Variants in CDH4 observed in about 807,000 individuals in gnomAD.
CDH4 encodes the protein cadherin-4.
In CDH4, 33 loss-of-function variants were observed where a neutral mutation model predicts 86.0. That is an observed-to-expected ratio of 0.38 (90% CI 0.29 to 0.51). CDH4 has a LOEUF of 0.51. Among genes scored for constraint, CDH4 ranks in the 20% least tolerant of loss-of-function variants. The pLI is 0.86. For synonymous variants in CDH4, 555 were observed against 549.4 expected (o/e 1.01, Z -0.14); for missense variants, 1,114 against 1,307.4 (o/e 0.85, Z 2.28).
Position 61,709,461 on chromosome 20 carries a change from G to T in CDH4, c.170-34102G>T, listed in dbSNP as rs113398969. Among the ~76,000 whole-genome samples the T allele has an allele frequency of 0.025, 3,809 of 151,904 alleles. 158 individuals carry two copies. The highest frequency in any genetic ancestry group is 0.085 in the African/African-American group (3,503 of 41,388). Reference sequence around the variant, plus strand: ...GGCTATTTTTTTCTATTTTTAGGAGGGACGGGGTTTCACCATGTTGGCCAG... The same window carrying T: ...GGCTATTTTTTTCTATTTTTAGGAGTGACGGGGTTTCACCATGTTGGCCAG... On this transcript the variant is annotated intron_variant, in intron 2 of 15. Transcript: ENST00000614565. The surrounding 1 kb of genome is among the most constrained non-coding windows in gnomAD (Gnocchi z 4.8).
chr20:61,499,849 C>T (rs1458578395), intron 2 of CDH4, among the ~76,000 whole-genome samples: 1 of 152,194 alleles, frequency 6.6e-6, no homozygotes, highest in Non-Finnish European at 1.5e-5. Context: ...ACTCCCCCAG[C>T]CTGTACCATG....
intron 2 of CDH4, among the ~76,000 whole-genome samples, chr20:61,496,618 C>A (rs1359927725): frequency 1.3e-5 from 2 of 152,200 alleles, no homozygotes; most frequent in African/African-American, 4.8e-5. Flanking sequence ...AAAAAGCCAT[C>A]CATTTTAGGC....
intron 8 of CDH4, among the ~76,000 whole-genome samples, chr20:61,907,127 AC>A: frequency 6.7e-6 from 1 of 149,754 alleles, no homozygotes; most frequent in Non-Finnish European, 1.5e-5. Flanking sequence ...CCCAGCTACC[AC>A]CTCCCCTGAG....
At chr20:61,294,530 G>A (rs1362570307) in intron 2 of CDH4, among the ~76,000 whole-genome samples, 4 of 152,348 alleles carry the variant, frequency 2.6e-5, no homozygotes, top group South Asian at 2.1e-4. Context: ...TGAGTGGCCC[G>A]GAAAGGCTGC....
intron 2 of CDH4, among the ~76,000 whole-genome samples, chr20:61,476,986 C>T (rs1446796208): frequency 6.6e-6 from 1 of 152,172 alleles, no homozygotes; most frequent in Non-Finnish European, 1.5e-5. Context: ...ACAGAGAGGC[C>T]AGCCAGAGGT....
chr20:61,421,691 A>T (rs1238394655), intron 2 of CDH4, among the ~76,000 whole-genome samples: 5 of 152,164 alleles, frequency 3.3e-5, no homozygotes, highest in Non-Finnish European at 7.3e-5. Context: ...CATTTATGAC[A>T]CAGGTGGATG....
intron 2 of CDH4, among the ~76,000 whole-genome samples, chr20:61,664,954 G>A (rs1159096018): frequency 1.3e-5 from 2 of 152,356 alleles, no homozygotes; most frequent in East Asian, 1.9e-4. Flanking sequence ...TCTGAACAAA[G>A]AGGCTGCCCA....
chr20:61,359,847 G>T (rs570181470), intron 2 of CDH4, among the ~76,000 whole-genome samples: 1 of 152,218 alleles, frequency 6.6e-6, no homozygotes, highest in Non-Finnish European at 1.5e-5. Flanking sequence ...GCCTCAGAAA[G>T]AAAGTGTTTA....
rs373521370 is a variant in CDH4 at position 61,923,503 on chromosome 20, A to G, written c.1427A>G (p.Asn476Ser). Reference protein sequence around the residue: ...RAFMLTVMVSNQAPLASGIQM... With the variant: ...RAFMLTVMVSSQAPLASGIQM... ...TTCATGCTGACAGTGATGGTGTCCA[A>G]CCAGGCGCCCCTGGCCAGCGGAATC... The change falls in exon 10 of 16, where the codon AAC becomes AGC. Residue 476 changes from asparagine to serine, a missense_variant. Asn to Ser is a conservative substitution (Grantham distance 46). This residue lies in a region of CDH4 where 705 missense variants were observed against 914.1 expected (regional missense o/e 0.77). Coordinates refer to ENST00000614565, the MANE Select transcript of CDH4 (RefSeq NM_001794.5). 1.9e-5 allele frequency: 30 copies of G among 1,614,006 alleles called. No individual in the cohort carries two copies. Among genetic ancestry groups the G allele is most frequent in the Non-Finnish European group, 2.5e-5 (30 of 1,180,008 alleles).
chr20:61,320,319 G>A (rs569103474), intron 2 of CDH4, among the ~76,000 whole-genome samples: 37 of 152,254 alleles, frequency 2.4e-4, no homozygotes, highest in Middle Eastern at 3.4e-3. Flanking sequence ...AGCATCTGCC[G>A]TGGGTCAGAC....
In CDH4 at chr20:61,269,888, C is replaced by T. The variant is rs2427020; in HGVS notation, c.169+14951C>T. 0.13 allele frequency among the ~76,000 whole-genome samples: 19,828 copies of T among 152,190 alleles called. 1,372 individuals are homozygous for T. The highest frequency in any genetic ancestry group is 0.27 in the Middle Eastern group (79 of 292). The stretch of plus-strand genomic sequence containing the variant: ...AGTGGTACTCATTTCCACATGGCCC[C>T]GGCTGTTGACGATGACCTTAAGCTC... On this transcript the variant is annotated intron_variant, in intron 2 of 15. Transcript: ENST00000614565. The surrounding 1 kb of genome is among the most constrained non-coding windows in gnomAD (Gnocchi z 5.3).
At chr20:61,715,075 G>GT (rs1255476659) in intron 2 of CDH4, among the ~76,000 whole-genome samples, 1 of 152,092 alleles carries the variant, frequency 6.6e-6, no homozygotes, top group Non-Finnish European at 1.5e-5. Flanking sequence ...AACATCTATT[G>GT]TTTTTTGACG....
intron 2 of CDH4, among the ~76,000 whole-genome samples, chr20:61,519,612 A>T (rs2085853021): frequency 6.6e-6 from 1 of 152,198 alleles, no homozygotes; most frequent in African/African-American, 2.4e-5. Flanking sequence ...GGCTCATAGC[A>T]CTGGCCAGGC....
intron 2 of CDH4, among the ~76,000 whole-genome samples, chr20:61,316,460 C>T (rs75389207): frequency 0.01 from 1,524 of 152,322 alleles, 21 homozygotes; most frequent in African/African-American, 0.031. Flanking sequence ...CCAACAGAGA[C>T]GGAACAAACC....
chr20:61,586,234 G>A (rs1174183369), intron 2 of CDH4, among the ~76,000 whole-genome samples: 5 of 151,940 alleles, frequency 3.3e-5, no homozygotes, highest in Admixed American at 2.0e-4. Flanking sequence ...TCATGATCAT[G>A]GTCATGATGA....
intron 2 of CDH4, among the ~76,000 whole-genome samples, chr20:61,325,580 T>A (rs1186541538): frequency 1.3e-5 from 2 of 151,512 alleles, no homozygotes; most frequent in Non-Finnish European, 2.9e-5. Context: ...GGGGGTTAGA[T>A]GTGCAGGGGA....
In CDH4 at chr20:61,810,544, C is replaced by T. The variant is rs1980379684; in HGVS notation, c.577-34124C>T. ...CCAGAATCAGGGAGCCACAGGCACA[C>T]AGGAAGCCCGAGAGAGCCCCAGCCC... is the stretch of plus-strand genomic sequence containing the variant. On this transcript the variant is annotated intron_variant, in intron 4 of 15. Coordinates refer to ENST00000614565, the MANE Select transcript of CDH4 (RefSeq NM_001794.5). The surrounding 1 kb of genome is among the most constrained non-coding windows in gnomAD (Gnocchi z 4.3). Among the ~76,000 whole-genome samples the T allele has an allele frequency of 6.6e-6, 1 of 152,190 alleles. No homozygotes were observed. Among genetic ancestry groups the T allele is most frequent in the African/African-American group, 2.4e-5 (1 of 41,434 alleles).
intron 2 of CDH4, among the ~76,000 whole-genome samples, chr20:61,697,799 G>A (rs576350734): frequency 2.6e-5 from 4 of 152,210 alleles, no homozygotes; most frequent in African/African-American, 7.2e-5. Context: ...TCCTCTGTCC[G>A]AGAAGTGCTG....
intron 2 of CDH4, among the ~76,000 whole-genome samples, chr20:61,461,463 G>A (rs1410833835): frequency 3.9e-5 from 6 of 152,108 alleles, no homozygotes; most frequent in African/African-American, 1.4e-4. Context: ...AAAGTGACTC[G>A]GCTTCCGCTG....
Sources: gnomAD v4.1 joint callset for allele counts (sites outside exome capture counted in the v4.1 genomes callset) on GRCh38, gnomAD v4.1.1 for gene constraint, gnomAD v4.1.1 regional missense constraint, Gnocchi (gnomAD v3.1) non-coding constraint, MANE v1.5 for transcripts, NCBI Gene and HGNC (gene_info 2026-07-23, HGNC 2026-07-21) for gene names.